TMEM68: variants seen among roughly 807,000 people sequenced by gnomAD.
TMEM68 encodes the protein transmembrane protein 68.
Under a neutral mutation model 36.9 loss-of-function variants are expected in TMEM68, and 25 were observed. The ratio of observed to expected loss-of-function variants is 0.68; its 90% CI spans 0.49 to 0.95. The LOEUF (loss-of-function observed/expected upper bound fraction) is 0.95, where lower values mean the gene tolerates loss of function less well. Among genes scored for constraint, TMEM68 ranks in the 40% least tolerant of loss-of-function variants. The probability of loss-of-function intolerance (pLI) is 0.00; values close to 1 mark genes in which losing one functional copy is unlikely to be tolerated. For missense variants in TMEM68, 333 were observed against 392.0 expected (o/e 0.85, Z 1.27); for synonymous variants, 131 against 124.4 (o/e 1.05, Z -0.35).
chr8:55,766,236 G>C (rs565476098), intron 1 of TMEM68, among the ~76,000 whole-genome samples: 1 of 152,188 alleles, frequency 6.6e-6, no homozygotes, highest in East Asian at 1.9e-4. Context: ...AAACTTCCTA[G>C]CTAAATGAAC....
intron 4 of TMEM68, among the ~76,000 whole-genome samples, chr8:55,751,722 G>C (rs989545536): frequency 6.6e-6 from 1 of 152,182 alleles, no homozygotes; most frequent in African/African-American, 2.4e-5. Flanking sequence ...GAGAGTGCTT[G>C]ACTCAAGAGC....
intron 3 of TMEM68, chr8:55,761,008 G>A (rs1810773779): frequency 6.6e-6 from 1 of 152,100 alleles, no homozygotes; most frequent in South Asian, 2.1e-4. Context: ...GTTTTACAGA[G>A]TATTTTTTTA....
At chr8:55,757,567 C>T (rs1340963367) in intron 3 of TMEM68, among the ~76,000 whole-genome samples, 9 of 152,046 alleles carry the variant, frequency 5.9e-5, no homozygotes, top group South Asian at 2.1e-4. Context: ...ACCTGTCAGG[C>T]GCTGGGAAAG....
chr8:55,760,291 A>G (rs1810742208), intron 3 of TMEM68, among the ~76,000 whole-genome samples: 1 of 152,278 alleles, frequency 6.6e-6, no homozygotes, highest in Non-Finnish European at 1.5e-5. Flanking sequence ...GGCACTAGCC[A>G]TAAGATCCAC....
chr8:55,765,407 C>T (rs1315337394), intron 1 of TMEM68, among the ~76,000 whole-genome samples: 1 of 152,200 alleles, frequency 6.6e-6, no homozygotes, highest in Non-Finnish European at 1.5e-5. Context: ...ACTGACAACA[C>T]CATGTACGGT....
chr8:55,751,057 A>C lies in TMEM68; in HGVS notation c.594T>G (p.Gly198=). 6.2e-7 allele frequency: 1 copy of C among 1,614,128 alleles called. No individual in the cohort carries two copies. The highest frequency in any genetic ancestry group is 8.5e-7 in the Non-Finnish European group (1 of 1,180,010). ...CACTAATTAGGGCTTCTCGAACTCC[A>C]CCTGGTGAGATAGCTAACAAGTGGC... ...RSGHLLAISP[G]GVREALISDE... The change falls in exon 5 of 8, where the codon GGT becomes GGG. Residue 198 remains glycine, a synonymous_variant. Coordinates refer to ENST00000434581, the MANE Select transcript of TMEM68 (RefSeq NM_001286657.2).
chr8:55,762,449 TG>T, intron 3 of TMEM68, 185 bp downstream of exon 3: 1 of 1,193,490 alleles, frequency 8.4e-7, no homozygotes, highest in Non-Finnish European at 1.1e-6. Context: ...CCAACGTCTA[TG>T]GGAAAACTCA....
In TMEM68 at chr8:55,740,010, T is replaced by C. The variant is rs1810049962; in HGVS notation, c.*122A>G. ...AAGAAACGAATTCTGTGAAAGATGC[T>C]TATTAACATGATTTTTTTAAAAAAT... On this transcript the variant is annotated 3_prime_UTR_variant, in exon 8 of 8. Transcript: ENST00000434581. The C allele has an allele frequency of 1.4e-6, 1 of 711,070 alleles. No individual in the cohort carries two copies. The highest frequency in any genetic ancestry group is 1.8e-5 in the African/African-American group (1 of 54,464). The allele number at this position is 711,070 out of a possible 1,614,324, so 44.0% of individuals were successfully genotyped here.
Position 55,750,807 on chromosome 8 carries a change from A to G in TMEM68, c.687+157T>C, listed in dbSNP as rs1810409171. On this transcript the variant is annotated intron_variant, in intron 5 of 7. Transcript: ENST00000434581. ...TCCACCTCGGCCTCCCAAAGTGCTG[A>G]GATTACAGGCGTGAGCTACCACACT... 2.3e-5 allele frequency: 15 copies of G among 660,950 alleles called. No individual in the cohort carries two copies. The Admixed American group carries it at 4.6e-4, about 20-fold the overall frequency. The allele number at this position is 660,950 out of a possible 1,614,324, so 40.9% of individuals were successfully genotyped here.
intron 5 of TMEM68, among the ~76,000 whole-genome samples, chr8:55,750,470 G>C (rs1810397245): frequency 6.6e-6 from 1 of 151,192 alleles, no homozygotes; most frequent in Non-Finnish European, 1.5e-5. Context: ...GTACAATATG[G>C]AGACCAAAAG....
intron 5 of TMEM68, chr8:55,747,367 A>C (rs1296386764): frequency 1.3e-5 from 2 of 152,234 alleles, no homozygotes; most frequent in Non-Finnish European, 2.9e-5. Flanking sequence ...GTCTCAAAAA[A>C]ATTAAAAGTA....
intron 5 of TMEM68, chr8:55,747,998 C>T (rs765158): frequency 0.33 from 50,206 of 151,902 alleles, 8,479 homozygotes; most frequent in Middle Eastern, 0.39. Flanking sequence ...ATAGCTACCT[C>T]TCTAGAAGCT....
Position 55,762,899 on chromosome 8 carries a change from G to C in TMEM68, c.61C>G (p.Leu21Val). 1.2e-6 allele frequency: 2 copies of C among 1,614,024 alleles called. No homozygotes were observed. The highest frequency in any genetic ancestry group is 2.2e-5 in the East Asian group (1 of 44,874). The change falls in exon 3 of 8, where the codon CTG becomes GTG. Residue 21 changes from leucine to valine, a missense_variant. Coordinates refer to ENST00000434581, the MANE Select transcript of TMEM68 (RefSeq NM_001286657.2). ...GQDSVPYMIC[L>V]IHILEEWFGV... ...AACCATTCTTCGAGTATGTGAATCA[G>C]ACAAATCATATAGGGCACAGAATCC...
At chr8:55,757,483 T>C (rs1426991440) in intron 3 of TMEM68, among the ~76,000 whole-genome samples, 1 of 151,534 alleles carries the variant, frequency 6.6e-6, no homozygotes, top group Non-Finnish European at 1.5e-5. Flanking sequence ...AGCTGGAGAG[T>C]AAAGAGAGCC....
intron 5 of TMEM68, chr8:55,745,937 G>A (rs1339485409): frequency 6.6e-6 from 1 of 152,060 alleles, no homozygotes; most frequent in Non-Finnish European, 1.5e-5. Flanking sequence ...AATTTTTTGT[G>A]AGTCTATTAA....
Position 55,756,268 on chromosome 8 carries a change from C to A in TMEM68, c.469G>T (p.Asp157Tyr). ...CCTGGAATTTTAAAGACAAAGTGAT[C>A]AGCTACTACTCGGCAAGTTCTGCCT... ...HKGRTCRVVA[D>Y]HFVFKIPGFS... The change falls in exon 4 of 8, where the codon GAT becomes TAT. Residue 157 changes from aspartate (D) to tyrosine (Y), a missense_variant. Transcript: ENST00000434581. The A allele has an allele frequency of 6.3e-7, 1 of 1,595,050 alleles. No homozygotes were observed. The highest frequency in any genetic ancestry group is 1.2e-5 in the South Asian group (1 of 85,908).
Position 55,756,303 on chromosome 8 carries a change from A to C in TMEM68, c.434T>G (p.Phe145Cys). 1.2e-6 allele frequency: 2 copies of C among 1,607,966 alleles called. No individual in the cohort carries two copies. The highest frequency in any genetic ancestry group is 8.5e-7 in the Non-Finnish European group (1 of 1,178,468). Residue 145 changes from phenylalanine to cysteine, a missense_variant, in exon 4 of 8, where the codon TTT (phenylalanine) becomes TGT (cysteine). Coordinates refer to ENST00000434581, the MANE Select transcript of TMEM68 (RefSeq NM_001286657.2). Reference protein sequence around the residue: ...IDFYYFMAKIFIHKGRTCRVV... With the variant: ...IDFYYFMAKICIHKGRTCRVV... ...TCGGCAAGTTCTGCCTTTGTGTATA[A>C]ATATTTTAGCCATGAAATAGTAAAA...
chr8:55,746,657 T>C, intron 5 of TMEM68: 1 of 152,182 alleles, frequency 6.6e-6, no homozygotes, highest in East Asian at 1.9e-4. Flanking sequence ...ACCTGCTTAA[T>C]AGGTGAGATA....
At position 55,753,792 on chromosome 8, in the gene TMEM68, T is replaced by A. The variant is rs184241014; in HGVS notation, c.493+2452A>T. ...ACCATTTGGTTAATTAATCTTTTTT[T>A]AAAAAAAATATAAGGTCGGCTAGAC... On this transcript the variant is annotated intron_variant, in intron 4 of 7. Transcript: ENST00000434581. 1.6e-3 allele frequency among the ~76,000 whole-genome samples: 239 copies of A among 152,176 alleles called. 1 individual carries two copies. Among genetic ancestry groups the A allele is most frequent in the Middle Eastern group, 3.4e-3 (1 of 294 alleles).
Sources: gnomAD v4.1 joint callset for allele counts (sites outside exome capture counted in the v4.1 genomes callset) on GRCh38, gnomAD v4.1.1 for gene constraint, MANE v1.5 for transcripts, NCBI Gene and HGNC (gene_info 2026-07-23, HGNC 2026-07-21) for gene names.